Variants in PKP2 observed in about 807,000 individuals in gnomAD.
PKP2 encodes the protein plakophilin-2.
Under a neutral mutation model 83.4 loss-of-function variants are expected in PKP2, and 73 were observed. The ratio of observed to expected loss-of-function variants is 0.88; its 90% confidence interval spans 0.72 to 1.06. The LOEUF is 1.06. Among genes scored for constraint, PKP2 ranks in the 50% least tolerant of loss-of-function variants. The probability of loss-of-function intolerance (pLI) is 0.00; values close to 1 mark genes in which losing one functional copy is unlikely to be tolerated. For missense variants in PKP2, 966 were observed against 1,065.4 expected (o/e 0.91, Z 1.30); for synonymous variants, 409 against 430.4 (o/e 0.95, Z 0.62).
intron 6 of PKP2, among the ~76,000 whole-genome samples, chr12:32,830,388 T>C (rs1956487873): frequency 6.6e-6 from 1 of 152,238 alleles, no homozygotes; most frequent in South Asian, 2.1e-4. Context: ...AAGGCTTGTC[T>C]GTTATTCTGA....
chr12:32,886,590 T>G (rs1419665942), intron 1 of PKP2, among the ~76,000 whole-genome samples: 1 of 152,232 alleles, frequency 6.6e-6, no homozygotes, highest in Non-Finnish European at 1.5e-5. Flanking sequence ...CTATATTTTA[T>G]CTTCTATTCT....
chr12:32,863,369 G>A (rs984611110), intron 4 of PKP2: 14 of 259,344 alleles, frequency 5.4e-5, no homozygotes, highest in Admixed American at 2.9e-4. Context: ...GCCAAATTCC[G>A]AAGCAATCTT....
intron 6 of PKP2, among the ~76,000 whole-genome samples, chr12:32,833,357 T>C (rs1565584400): frequency 6.6e-6 from 1 of 152,204 alleles, no homozygotes; most frequent in Non-Finnish European, 1.5e-5. Flanking sequence ...AAAAATTATA[T>C]TTGGTATGTG....
At chr12:32,853,139 C>T (rs1191560033) in intron 4 of PKP2, among the ~76,000 whole-genome samples, 2 of 152,148 alleles carry the variant, frequency 1.3e-5, no homozygotes, top group Non-Finnish European at 2.9e-5. Context: ...TATTTCATCA[C>T]TTCATCTATT....
chr12:32,824,437 T>A, intron 6 of PKP2: 1 of 422,112 alleles, frequency 2.4e-6, no homozygotes, highest in Non-Finnish European at 4.4e-6. Context: ...TAATCTTCAC[T>A]CCATTTTGAG....
At chr12:32,878,892 A>T in intron 2 of PKP2, 28 bp downstream of exon 2, 1 of 1,119,642 alleles carries the variant, frequency 8.9e-7, no homozygotes, top group East Asian at 2.3e-5. Context: ...TAATCTGATC[A>T]CTAGGGTTAC....
At chr12:32,839,922 C>T (rs1286255714) in intron 6 of PKP2, among the ~76,000 whole-genome samples, 1 of 152,174 alleles carries the variant, frequency 6.6e-6, no homozygotes, top group African/African-American at 2.4e-5. Context: ...TTTCTGACTA[C>T]CAAAATAGTC....
At chr12:32,885,060 G>A (rs1018821912) in intron 1 of PKP2, among the ~76,000 whole-genome samples, 10 of 152,182 alleles carry the variant, frequency 6.6e-5, no homozygotes, top group Non-Finnish European at 2.9e-5. Context: ...GGAAAATAAA[G>A]TAGGTAGTTG....
chr12:32,861,336 C>G (rs1956796021), intron 4 of PKP2, among the ~76,000 whole-genome samples: 1 of 152,020 alleles, frequency 6.6e-6, no homozygotes, highest in South Asian at 2.1e-4. Context: ...GTTCAAAAAT[C>G]TTGAGCAAAG....
intron 9 of PKP2, among the ~76,000 whole-genome samples, chr12:32,809,326 G>A (rs1956255674): frequency 1.3e-5 from 2 of 152,210 alleles, no homozygotes; most frequent in Admixed American, 1.3e-4. Context: ...GCTGTGCTGT[G>A]TTGGGGGTAT....
intron 5 of PKP2, among the ~76,000 whole-genome samples, chr12:32,847,264 G>A (rs1956655194): frequency 1.3e-5 from 2 of 152,210 alleles, no homozygotes. Flanking sequence ...GCCAAAGGGA[G>A]TAATTTAGAA....
rs1431294111 is a variant in PKP2 at position 32,791,691 on chromosome 12, T to A, written c.*733A>T. The A allele has an allele frequency of 2.0e-5, 3 of 152,258 alleles. No individual in the cohort carries two copies. The highest frequency in any genetic ancestry group is 2.9e-5 in the Non-Finnish European group (2 of 68,056). 9.4% of individuals were successfully genotyped at this position (152,258 alleles called of 1,614,324 possible). ...GGAACGTTAAATTTTATCATCACAG[T>A]TGCCTTTCTCTGTGGAAAAGATTTT... On this transcript the variant is annotated 3_prime_UTR_variant, in exon 13 of 13. Coordinates refer to ENST00000340811, the MANE Select transcript of PKP2 (RefSeq NM_001005242.3).
chr12:32,829,257 C>CT (rs1388388749), intron 6 of PKP2, among the ~76,000 whole-genome samples: 2 of 147,758 alleles, frequency 1.4e-5, no homozygotes, highest in Admixed American at 6.7e-5. Context: ...TTTATTTTTT[C>CT]TTATTTTTTT....
At chr12:32,873,770 T>A (rs1301064994) in intron 3 of PKP2, among the ~76,000 whole-genome samples, 3 of 152,088 alleles carry the variant, frequency 2.0e-5, no homozygotes, top group Non-Finnish European at 4.4e-5. Flanking sequence ...CCTCAAGTGA[T>A]CCGCCCACCT....
chr12:32,848,100 T>G (rs1354847393), intron 5 of PKP2, among the ~76,000 whole-genome samples: 3 of 152,218 alleles, frequency 2.0e-5, no homozygotes, highest in Non-Finnish European at 4.4e-5. Context: ...AAATCCCTCA[T>G]GGGACCTGAC....
rs1321199196 is a variant in PKP2, at chr12:32,878,232, T to G, written c.648A>C (p.Thr216=). 1 of 1,614,016 alleles carries G rather than the reference T, an allele frequency of 6.2e-7. No individual in the cohort carries two copies. The highest frequency in any genetic ancestry group is 8.5e-7 in the Non-Finnish European group (1 of 1,180,044). ...AGCCATGCTGGTACTGTCTGTGGTA[T>G]GTGTCAAAGTGGCGCTGCCTGCTTG... ...GTTSRQRHFD[T]YHRQYQHGSV... is the part of the protein sequence containing the mutation. Residue 216 remains threonine (T), a synonymous_variant, in exon 3 of 13, where the codon ACA becomes ACC. Transcript: ENST00000340811.
intron 4 of PKP2, among the ~76,000 whole-genome samples, chr12:32,860,588 G>A (rs185662603): frequency 2.0e-5 from 3 of 152,306 alleles, no homozygotes; most frequent in Admixed American, 2.0e-4. Flanking sequence ...GAGAGGGAAA[G>A]CATTAGGACA....
chr12:32,839,729 T>G (rs1956572782), intron 6 of PKP2, among the ~76,000 whole-genome samples: 1 of 152,164 alleles, frequency 6.6e-6, no homozygotes, highest in Non-Finnish European at 1.5e-5. Flanking sequence ...CTCTGTTTTA[T>G]GTGGTAAGGC....
At chr12:32,849,024 A>AAG (rs1555145320) in intron 5 of PKP2, among the ~76,000 whole-genome samples, 23 of 150,228 alleles carry the variant, frequency 1.5e-4, no homozygotes, top group African/African-American at 5.7e-4. Flanking sequence ...AAAAAAAAAA[A>AAG]CCTCTTCTAT....
Sources: allele counts gnomAD v4.1 joint callset (sites outside exome capture counted in the v4.1 genomes callset), GRCh38; gene constraint gnomAD v4.1.1; transcripts MANE v1.5; gene names NCBI Gene and HGNC (gene_info 2026-07-23, HGNC 2026-07-21).